The following FHIP1A variants were observed in gnomAD, a reference collection of about 807,000 sequenced individuals.
The protein encoded by FHIP1A is FHF complex subunit HOOK interacting protein 1A.
Under a neutral mutation model 88.6 loss-of-function variants are expected in FHIP1A, and 61 were observed. The ratio of observed to expected loss-of-function variants is 0.69; its 90% CI spans 0.56 to 0.85. The LOEUF is 0.85. Ranked by LOEUF, FHIP1A falls within the 40% of genes least tolerant of loss-of-function variation. The pLI, the probability that FHIP1A is intolerant of heterozygous loss-of-function variation, is 0.00. For synonymous variants in FHIP1A, 478 were observed against 496.0 expected, an observed-to-expected ratio of 0.96 and a Z score of 0.48; for missense variants, 1,154 against 1,273.5, an observed-to-expected ratio of 0.91 and a Z score of 1.43.
intron 1 of FHIP1A, among the ~76,000 whole-genome samples, chr4:151,423,669 A>G (rs1236099060): frequency 6.6e-6 from 1 of 152,226 alleles, no homozygotes; most frequent in African/African-American, 2.4e-5. Flanking sequence ...TTAATAATCA[A>G]TACATGGTAA....
intron 3 of FHIP1A, among the ~76,000 whole-genome samples, chr4:151,531,562 T>C (rs1731879540): frequency 6.6e-6 from 1 of 152,100 alleles, no homozygotes; most frequent in African/African-American, 2.4e-5. Context: ...AAGTAAAATT[T>C]TCATATGAGA....
At chr4:151,608,170 A>T (rs1225764058) in intron 7 of FHIP1A, among the ~76,000 whole-genome samples, 1 of 145,172 alleles carries the variant, frequency 6.9e-6, no homozygotes, top group Non-Finnish European at 1.5e-5. Context: ...TCAGCCTCCC[A>T]AGTAGCTGGG....
intron 2 of FHIP1A, 102 bp downstream of exon 2, chr4:151,454,910 T>C (rs1728916734): frequency 6.6e-6 from 1 of 152,104 alleles, no homozygotes; most frequent in Admixed American, 6.6e-5. Flanking sequence ...CTTATGTGGA[T>C]TTCCCCATAA....
chr4:151,541,225 G>C (rs1446939606), intron 3 of FHIP1A, among the ~76,000 whole-genome samples: 2 of 152,172 alleles, frequency 1.3e-5, no homozygotes, highest in African/African-American at 4.8e-5. Flanking sequence ...TTGAATGAAT[G>C]AACTGGTTTG....
intron 7 of FHIP1A, among the ~76,000 whole-genome samples, chr4:151,609,531 C>T (rs1405491300): frequency 6.6e-6 from 1 of 152,036 alleles, no homozygotes; most frequent in Non-Finnish European, 1.5e-5. Context: ...TGGAAAGCCT[C>T]TGAGAATGTG....
chr4:151,651,665 T>C (rs1737035380), intron 11 of FHIP1A, among the ~76,000 whole-genome samples: 1 of 152,242 alleles, frequency 6.6e-6, no homozygotes, highest in African/African-American at 2.4e-5. Flanking sequence ...ACTGTGCTCC[T>C]ACCTCTTGGA....
At chr4:151,517,907 C>G (rs1731305032) in intron 3 of FHIP1A, among the ~76,000 whole-genome samples, 1 of 152,028 alleles carries the variant, frequency 6.6e-6, no homozygotes, top group East Asian at 1.9e-4. Context: ...AGTGTTAATA[C>G]AGAGAGTCAA....
chr4:151,464,111 C>G (rs1729226305), intron 2 of FHIP1A, among the ~76,000 whole-genome samples: 1 of 152,078 alleles, frequency 6.6e-6, no homozygotes. Flanking sequence ...ACTTGAACTC[C>G]CACTCCTGGG....
Position 151,656,370 on chromosome 4 carries a change from C to G in FHIP1A, c.2690C>G (p.Thr897Ser). 6.4e-7 allele frequency: 1 copy of G among 1,551,750 alleles called. No homozygotes were observed. Among genetic ancestry groups the G allele is most frequent in the Non-Finnish European group, 8.7e-7 (1 of 1,146,994 alleles). ...QPLLRSFLLN[T>S]NMVFQPSVRS... ...CTCCTGCGCTCCTTTCTGCTCAACACCAACATGGTCTTCCAGCCAAGCGTC... is the reference window on the plus strand; with the variant it reads ...CTCCTGCGCTCCTTTCTGCTCAACAGCAACATGGTCTTCCAGCCAAGCGTC... The change falls in exon 12 of 14, where the codon ACC becomes AGC. Residue 897 changes from threonine (T) to serine (S), a missense_variant. Coordinates refer to ENST00000435205, the MANE Select transcript of FHIP1A (RefSeq NM_001109977.3). This position sits in a 1 kb window ranked among gnomAD's most constrained non-coding sequence, Gnocchi z 4.2.
chr4:151,611,177 T>A (rs1204013855), intron 7 of FHIP1A, among the ~76,000 whole-genome samples: 2 of 152,050 alleles, frequency 1.3e-5, no homozygotes, highest in African/African-American at 4.8e-5. Flanking sequence ...TAGCTAGCAT[T>A]GTGAGGTGGC....
chr4:151,617,411 C>A (rs1036083751), intron 7 of FHIP1A, among the ~76,000 whole-genome samples: 2 of 152,140 alleles, frequency 1.3e-5, no homozygotes, highest in East Asian at 3.9e-4. Flanking sequence ...GAGTCCTTAA[C>A]CTGGTTTTGA....
rs1737699947 is a variant in FHIP1A at position 151,667,304 on chromosome 4, A to G, written c.*4550A>G. 6.6e-6 allele frequency: 1 copy of G among 152,236 alleles called. No individual in the cohort carries two copies. Among genetic ancestry groups the G allele is most frequent in the Non-Finnish European group, 1.5e-5 (1 of 68,054 alleles). The allele number at this position is 152,236 out of a possible 1,614,324, so 9.4% of individuals were successfully genotyped here. ...TAATTTTCCATCAAGTAACAGCTTA[A>G]AACAGAACACTGTCAAACCACTTTA... On this transcript the variant is annotated 3_prime_UTR_variant, in exon 14 of 14. Transcript: ENST00000435205.
chr4:151,622,022 A>G (rs554540655), intron 7 of FHIP1A, among the ~76,000 whole-genome samples: 46 of 152,328 alleles, frequency 3.0e-4, no homozygotes, highest in African/African-American at 1.1e-3. Flanking sequence ...GCTGATTTCC[A>G]TCTTGACACA....
rs937483808 is a variant in FHIP1A, at chr4:151,666,497, G to C, written c.*3743G>C. Among the ~76,000 whole-genome samples, 2 of 152,182 alleles carry C rather than the reference G, an allele frequency of 1.3e-5. No homozygotes were observed. The highest frequency in any genetic ancestry group is 2.4e-5 in the African/African-American group (1 of 41,440). ...TTTAGGTCAGATATAGTTAGTTTCT[G>C]TCCAGGATAAGACATCATGGAGCCA... On this transcript the variant is annotated 3_prime_UTR_variant, in exon 14 of 14. Coordinates refer to ENST00000435205, the MANE Select transcript of FHIP1A (RefSeq NM_001109977.3).
Position 151,420,258 on chromosome 4 carries a change from T to G in FHIP1A, c.-356+10793T>G, listed in dbSNP as rs569832800. Among the ~76,000 whole-genome samples, 69 of 49,776 alleles carry G rather than the reference T, an allele frequency of 1.4e-3. 9 individuals carry two copies. Among genetic ancestry groups the G allele is most frequent in the African/African-American group, 5.9e-3 (67 of 11,394 alleles). 32.7% of individuals were successfully genotyped at this position (49,776 alleles called of 152,430 possible). A position where few individuals can be genotyped will look rare whatever the true frequency, so the allele number is the denominator to read the frequency against. On this transcript the variant is annotated intron_variant, in intron 1 of 13. Transcript: ENST00000435205. ...CGCATCCTCTCCAGCACCTGTTGTT[T>G]CCTGACTTTTTAATGATTGCCATTC...
intron 7 of FHIP1A, among the ~76,000 whole-genome samples, chr4:151,603,519 G>A (rs1172458980): frequency 6.6e-6 from 1 of 151,956 alleles, no homozygotes; most frequent in Non-Finnish European, 1.5e-5. Context: ...TGCACTGATT[G>A]ACCCTCATGA....
chr4:151,649,324 G>C, intron 10 of FHIP1A, 135 bp from the exon 11 acceptor site: 1 of 594,104 alleles, frequency 1.7e-6, no homozygotes, highest in Admixed American at 3.0e-5. Context: ...ATTATTCAGA[G>C]GTCATTTTAA....
chr4:151,575,091 A>G (rs532369944), intron 4 of FHIP1A, among the ~76,000 whole-genome samples: 25 of 152,290 alleles, frequency 1.6e-4, no homozygotes, highest in African/African-American at 4.6e-4. Flanking sequence ...CCACTCCACC[A>G]TCAATGTATA....
At chr4:151,439,107 C>T (rs141753862) in intron 1 of FHIP1A, among the ~76,000 whole-genome samples, 20 of 152,176 alleles carry the variant, frequency 1.3e-4, no homozygotes, top group East Asian at 5.8e-4. Context: ...TAAACGGTTG[C>T]GTTTTCCACA....
Sources: allele counts gnomAD v4.1 joint callset (sites outside exome capture counted in the v4.1 genomes callset), GRCh38; gene constraint gnomAD v4.1.1; non-coding constraint Gnocchi (gnomAD v3.1); transcripts MANE v1.5; gene names NCBI Gene and HGNC (gene_info 2026-07-23, HGNC 2026-07-21).